Variants in PIK3C2A observed in about 807,000 individuals in gnomAD.
PIK3C2A encodes phosphatidylinositol 4-phosphate 3-kinase C2 domain-containing subunit alpha.
In PIK3C2A, 97 loss-of-function variants were observed where a neutral mutation model predicts 204.5. That is an observed-to-expected ratio of 0.47 (90% CI 0.40 to 0.56). The LOEUF is 0.56. Among genes scored for constraint, PIK3C2A ranks in the 20% least tolerant of loss-of-function variants. The probability of loss-of-function intolerance (pLI) is 0.00; values close to 1 mark genes in which losing one functional copy is unlikely to be tolerated. For synonymous variants in PIK3C2A, 653 were observed against 664.4 expected, an observed-to-expected ratio of 0.98 and a Z score of 0.26; for missense variants, 1,735 against 1,969.2, an observed-to-expected ratio of 0.88 and a Z score of 2.25.
intron 1 of PIK3C2A, among the ~76,000 whole-genome samples, chr11:17,200,662 T>C (rs746875162): frequency 5.2e-4 from 79 of 152,230 alleles, no homozygotes; most frequent in Non-Finnish European, 1.0e-3. Context: ...GGAAATATTC[T>C]ATATCTTGTA....
At position 17,087,602 on chromosome 11, in the gene PIK3C2A, CTAAT is replaced by C. The variant is rs1196084981; in HGVS notation, c.*2132_*2135del. On this transcript the variant is annotated 3_prime_UTR_variant, in exon 33 of 33. Coordinates refer to ENST00000691414, the MANE Select transcript of PIK3C2A (RefSeq NM_002645.4). ...TGCAAAAAGGCAGTACATGTTGAGT[CTAAT>C]TAACGACCTCTACCAAGACAGTTTT... 6.6e-6 allele frequency: 1 copy of C among 152,106 alleles called. No homozygotes were observed. Among genetic ancestry groups the C allele is most frequent in the Non-Finnish European group, 1.5e-5 (1 of 68,000 alleles). The allele number at this position is 152,106 out of a possible 1,614,324, so 9.4% of individuals were successfully genotyped here.
In PIK3C2A at chr11:17,094,384, A is replaced by G; in HGVS notation, c.4328T>C (p.Ile1443Thr). 6.2e-7 allele frequency: 1 copy of G among 1,606,774 alleles called. No homozygotes were observed. Among genetic ancestry groups the G allele is most frequent in the Non-Finnish European group, 8.5e-7 (1 of 1,176,364 alleles). The change falls in exon 28 of 33, where the codon ATT becomes ACT. Residue 1443 changes from isoleucine (I) to threonine (T), a missense_variant and splice_region_variant. Around this residue, in one of 6 missense-constraint regions of PIK3C2A, gnomAD observed 503 missense variants for 669.0 expected, o/e 0.75. Transcript: ENST00000691414. ...TTCCCTCAAAATTCGGACTACATAAATCTGAAAAGAAATCACACCACAAAC... is the reference window on the plus strand; with the variant it reads ...TTCCCTCAAAATTCGGACTACATAAGTCTGAAAAGAAATCACACCACAAAC... ...HKKYNPDKHYIYVVRILREGQ... is the reference protein window; with the variant it reads ...HKKYNPDKHYTYVVRILREGQ...
chr11:17,158,295 C>T (rs1411615300), intron 2 of PIK3C2A, among the ~76,000 whole-genome samples: 2 of 151,314 alleles, frequency 1.3e-5, no homozygotes, highest in Non-Finnish European at 2.9e-5. Context: ...TTGCAGTGAG[C>T]CGAGATCGTG....
rs1851063519 is a variant in PIK3C2A, at chr11:17,168,903, T to TTAG, written c.836_838dup (p.Pro279_Lys280insThr). 2.5e-6 allele frequency: 4 copies of TTAG among 1,614,102 alleles called. No homozygotes were observed. Among genetic ancestry groups the TTAG allele is most frequent in the Non-Finnish European group, 3.4e-6 (4 of 1,179,952 alleles). On this transcript the variant is annotated inframe_insertion, in exon 2 of 33. Coordinates refer to ENST00000691414, the MANE Select transcript of PIK3C2A (RefSeq NM_002645.4). ...GTCTAATACCTCCACATTATCCACC[T>TTAG]TAGGCTTACTTAGAGGATCCAAGTC...
intron 1 of PIK3C2A, among the ~76,000 whole-genome samples, chr11:17,205,611 T>C (rs1315626693): frequency 6.6e-6 from 1 of 152,116 alleles, no homozygotes; most frequent in Non-Finnish European, 1.5e-5. Context: ...ACTCTTTAGG[T>C]ATAAGTTCAC....
At chr11:17,118,523 C>G in intron 18 of PIK3C2A, 122 bp downstream of exon 18, 1 of 554,436 alleles carries the variant, frequency 1.8e-6, no homozygotes, top group Non-Finnish European at 3.2e-6. Context: ...AAAATAATAC[C>G]TTCAATAAAA....
At chr11:17,142,114 G>A (rs1282936456) in intron 8 of PIK3C2A, among the ~76,000 whole-genome samples, 2 of 152,160 alleles carry the variant, frequency 1.3e-5, no homozygotes, top group African/African-American at 4.8e-5. Flanking sequence ...AGGAAAGGTC[G>A]ATGGATGAAT....
At chr11:17,138,655 G>A (rs1445260748) in intron 8 of PIK3C2A, among the ~76,000 whole-genome samples, 2 of 152,066 alleles carry the variant, frequency 1.3e-5, no homozygotes, top group Non-Finnish European at 2.9e-5. Context: ...CCTTTAAAAG[G>A]CCAGTTAGTA....
At chr11:17,097,523 T>C (rs1848487905) in intron 26 of PIK3C2A, among the ~76,000 whole-genome samples, 1 of 152,190 alleles carries the variant, frequency 6.6e-6, no homozygotes, top group Non-Finnish European at 1.5e-5. Flanking sequence ...TAAAGAGCTA[T>C]TATAGATAGA....
chr11:17,150,290 A>T (rs1850384058), intron 4 of PIK3C2A, among the ~76,000 whole-genome samples: 1 of 152,246 alleles, frequency 6.6e-6, no homozygotes, highest in South Asian at 2.1e-4. Flanking sequence ...AGAGCCACTG[A>T]TTAACAAAAG....
intron 17 of PIK3C2A, 102 bp from the exon 18 acceptor site, chr11:17,118,841 A>ACTCAT (rs1424635042): frequency 2.6e-5 from 16 of 605,406 alleles, no homozygotes; most frequent in South Asian, 2.4e-4. Flanking sequence ...TATTACTCTT[A>ACTCAT]CTGATGAAAG....
At chr11:17,186,632 C>T (rs1295389116) in intron 1 of PIK3C2A, among the ~76,000 whole-genome samples, 3 of 152,064 alleles carry the variant, frequency 2.0e-5, no homozygotes, top group African/African-American at 4.8e-5. Flanking sequence ...AATAATATGC[C>T]GTCAATTTCT....
intron 2 of PIK3C2A, among the ~76,000 whole-genome samples, chr11:17,164,530 G>T (rs556140117): frequency 6.6e-6 from 1 of 152,306 alleles, no homozygotes; most frequent in South Asian, 2.1e-4. Flanking sequence ...AGCCATGTCA[G>T]TTCAGATAGC....
intron 8 of PIK3C2A, among the ~76,000 whole-genome samples, chr11:17,142,397 G>GT (rs1850091868): frequency 6.6e-6 from 1 of 152,180 alleles, no homozygotes; most frequent in Non-Finnish European, 1.5e-5. Context: ...GAAGCCACAA[G>GT]TAAGAGTGAG....
intron 8 of PIK3C2A, chr11:17,138,386 T>C (rs1196028425): frequency 2.6e-6 from 1 of 384,438 alleles, no homozygotes; most frequent in African/African-American, 2.0e-5. Context: ...TACCTCTAGC[T>C]GCACCCTCAT....
intron 5 of PIK3C2A, among the ~76,000 whole-genome samples, 157 bp from the exon 6 acceptor site, chr11:17,147,785 C>A (rs1324202994): frequency 1.3e-5 from 2 of 152,024 alleles, no homozygotes; most frequent in Non-Finnish European, 2.9e-5. Flanking sequence ...AGAAATTATT[C>A]TGTACGAGAA....
intron 13 of PIK3C2A, among the ~76,000 whole-genome samples, chr11:17,124,036 C>CATAT (rs142763008): frequency 5.4e-5 from 8 of 149,074 alleles, no homozygotes; most frequent in African/African-American, 1.5e-4. Context: ...TATAATCCAT[C>CATAT]ATATATATAT....
chr11:17,109,960 T>A (rs544822702), intron 22 of PIK3C2A, among the ~76,000 whole-genome samples: 51 of 152,274 alleles, frequency 3.3e-4, no homozygotes, highest in African/African-American at 6.0e-4. Flanking sequence ...AATTTTTTTT[T>A]AATTTATTTT....
intron 1 of PIK3C2A, among the ~76,000 whole-genome samples, chr11:17,183,214 T>C (rs1398340441): frequency 6.6e-6 from 1 of 152,220 alleles, no homozygotes; most frequent in Non-Finnish European, 1.5e-5. Context: ...CCACAGTTTC[T>C]CTTTCCAAGG....
Sources: allele counts gnomAD v4.1 joint callset (sites outside exome capture counted in the v4.1 genomes callset), GRCh38; gene constraint gnomAD v4.1.1; regional missense constraint gnomAD v4.1.1; transcripts MANE v1.5; gene names NCBI Gene and HGNC (gene_info 2026-07-23, HGNC 2026-07-21).